The following SLC39A12 variants were observed in gnomAD, a reference collection of about 807,000 sequenced individuals.
The protein encoded by SLC39A12 is solute carrier family 39 member 12.
A neutral mutation model predicts 71.1 loss-of-function variants in SLC39A12; 63 were observed. That is an observed-to-expected ratio of 0.89 (90% CI 0.72 to 1.09). The LOEUF is 1.09. Ranked by LOEUF, SLC39A12 falls within the 50% of genes least tolerant of loss-of-function variation. SLC39A12 has a pLI of 0.00. For synonymous variants in SLC39A12, 351 were observed against 301.3 expected, an observed-to-expected ratio of 1.16 and a Z score of -1.71; for missense variants, 892 against 812.6, an observed-to-expected ratio of 1.10 and a Z score of -1.19.
intron 4 of SLC39A12, among the ~76,000 whole-genome samples, chr10:17,968,590 C>A (rs1446630547): frequency 6.6e-6 from 1 of 152,002 alleles, no homozygotes; most frequent in African/African-American, 2.4e-5. Flanking sequence ...CTTTTTTAAA[C>A]CTTCAATCTG....
At chr10:18,040,710 A>C (rs1037277177) in intron 12 of SLC39A12, among the ~76,000 whole-genome samples, 3 of 151,166 alleles carry the variant, frequency 2.0e-5, no homozygotes, top group Admixed American at 2.0e-4. Context: ...CAGAGGTTGC[A>C]GTGAGCCGAG....
chr10:17,991,125 C>CTTTT (rs58262664), intron 7 of SLC39A12, 26 bp from the exon 8 acceptor site: 29,349 of 1,346,028 alleles, frequency 0.022, 38 homozygotes, highest in Non-Finnish European at 0.025. Context: ...TTCTCTCTGC[C>CTTTT]TTTTTTTTTT....
chr10:18,015,449 A>G (rs1317514706), intron 12 of SLC39A12, among the ~76,000 whole-genome samples: 1 of 151,962 alleles, frequency 6.6e-6, no homozygotes, highest in Non-Finnish European at 1.5e-5. Context: ...TGTTCCAGTG[A>G]TTCTTCATAA....
chr10:17,970,488 T>C (rs1335825181), intron 4 of SLC39A12, among the ~76,000 whole-genome samples: 1 of 152,204 alleles, frequency 6.6e-6, no homozygotes, highest in Non-Finnish European at 1.5e-5. Context: ...ATTTTCATTG[T>C]AGAAATCTTT....
At chr10:17,968,632 A>T (rs1271315195) in intron 4 of SLC39A12, among the ~76,000 whole-genome samples, 2 of 151,898 alleles carry the variant, frequency 1.3e-5, no homozygotes, top group Non-Finnish European at 2.9e-5. Flanking sequence ...AAAATTCTTG[A>T]TCCTTTTTTC....
chr10:18,005,571 G>C (rs1219535513), intron 12 of SLC39A12: 1 of 152,172 alleles, frequency 6.6e-6, no homozygotes, highest in East Asian at 1.9e-4. Flanking sequence ...CTTCAAGTAG[G>C]ATGAATGTCG....
intron 12 of SLC39A12, among the ~76,000 whole-genome samples, chr10:18,014,578 G>T (rs1212544079): frequency 6.6e-6 from 1 of 152,114 alleles, no homozygotes; most frequent in African/African-American, 2.4e-5. Context: ...CTCATTCAGT[G>T]TCTGTTTTTC....
At chr10:18,013,305 G>A (rs1815351943) in intron 12 of SLC39A12, among the ~76,000 whole-genome samples, 1 of 149,926 alleles carries the variant, frequency 6.7e-6, no homozygotes, top group African/African-American at 2.4e-5. Flanking sequence ...TCCATTTTAA[G>A]TTAATTTTTA....
intron 12 of SLC39A12, among the ~76,000 whole-genome samples, chr10:18,015,794 A>G (rs1438884365): frequency 1.3e-5 from 2 of 151,702 alleles, no homozygotes; most frequent in African/African-American, 4.8e-5. Flanking sequence ...TTTTTCACCT[A>G]CACTATCCAA....
intron 12 of SLC39A12, among the ~76,000 whole-genome samples, chr10:18,032,584 G>C (rs1223263839): frequency 6.8e-6 from 1 of 147,894 alleles, no homozygotes; most frequent in Non-Finnish European, 1.5e-5. Context: ...ATACAATCAT[G>C]TCATCTGCAA....
intron 12 of SLC39A12, among the ~76,000 whole-genome samples, chr10:18,011,806 A>C (rs777327811): frequency 6.6e-6 from 1 of 152,252 alleles, no homozygotes; most frequent in East Asian, 1.9e-4. Flanking sequence ...TTTTCAAAAA[A>C]ATGTAATTTA....
At chr10:18,015,962 C>G (rs1170392000) in intron 12 of SLC39A12, among the ~76,000 whole-genome samples, 1 of 152,026 alleles carries the variant, frequency 6.6e-6, no homozygotes, top group African/African-American at 2.4e-5. Context: ...CCCCTGTCCC[C>G]ACACATGCAC....
chr10:18,021,989 G>A (rs1836545555), intron 12 of SLC39A12, among the ~76,000 whole-genome samples: 1 of 152,186 alleles, frequency 6.6e-6, no homozygotes, highest in African/African-American at 2.4e-5. Context: ...AAAATCAACT[G>A]TTAGTCTGAT....
At chr10:18,035,896 A>G (rs1181891063) in intron 12 of SLC39A12, among the ~76,000 whole-genome samples, 1 of 152,116 alleles carries the variant, frequency 6.6e-6, no homozygotes, top group African/African-American at 2.4e-5. Flanking sequence ...GGTCTGTTGG[A>G]ATACCCTGCC....
intron 3 of SLC39A12, among the ~76,000 whole-genome samples, chr10:17,965,201 C>T (rs968488433): frequency 1.3e-5 from 2 of 149,538 alleles, no homozygotes; most frequent in Non-Finnish European, 3.0e-5. Flanking sequence ...GAGCTAAACT[C>T]GGTCTAAAAA....
At chr10:18,006,046 A>G (rs1237728932) in intron 12 of SLC39A12, among the ~76,000 whole-genome samples, 1 of 152,132 alleles carries the variant, frequency 6.6e-6, no homozygotes, top group African/African-American at 2.4e-5. Flanking sequence ...GGTTGCAAAG[A>G]CTCTGAAACA....
At chr10:17,967,902 T>A (rs539184758) in intron 4 of SLC39A12, among the ~76,000 whole-genome samples, 2,368 of 132,922 alleles carry the variant, frequency 0.018, 34 homozygotes, top group South Asian at 0.031. Context: ...AAAAAAAATA[T>A]ATATATATAT....
intron 5 of SLC39A12, 73 bp from the exon 6 acceptor site, chr10:17,981,239 A>T (rs1835248389): frequency 7.3e-7 from 1 of 1,378,018 alleles, no homozygotes; most frequent in Non-Finnish European, 9.9e-7. Context: ...TCACTCCTCA[A>T]GGATGACAAC....
At chr10:17,969,913 T>TACAA (rs1834926654) in intron 4 of SLC39A12, among the ~76,000 whole-genome samples, 6 of 152,216 alleles carry the variant, frequency 3.9e-5, no homozygotes, top group Non-Finnish European at 8.8e-5. Flanking sequence ...TTTCATAGTC[T>TACAA]GAAATCTTAG....
Sources: gnomAD v4.1 joint callset for allele counts (sites outside exome capture counted in the v4.1 genomes callset) on GRCh38, gnomAD v4.1.1 for gene constraint, MANE v1.5 for transcripts, NCBI Gene and HGNC (gene_info 2026-07-23, HGNC 2026-07-21) for gene names.